TRPC4: variants seen among roughly 807,000 people sequenced by gnomAD.
TRPC4 encodes the protein short transient receptor potential channel 4.
A neutral mutation model predicts 99.4 loss-of-function variants in TRPC4; 49 were observed. The observed-to-expected ratio is 0.49, with a 90% CI of 0.39 to 0.63. The LOEUF is 0.63. Ranked by LOEUF, TRPC4 falls within the 20% of genes least tolerant of loss-of-function variation. The probability of loss-of-function intolerance (pLI) is 0.00; values close to 1 mark genes in which losing one functional copy is unlikely to be tolerated. For missense variants in TRPC4, 898 were observed against 1,152.9 expected (o/e 0.78, Z 3.20); for synonymous variants, 454 against 425.9 (o/e 1.07, Z -0.81).
At chr13:37,761,350 C>G (rs1956217641) in intron 2 of TRPC4, among the ~76,000 whole-genome samples, 2 of 151,828 alleles carry the variant, frequency 1.3e-5, no homozygotes, top group South Asian at 4.1e-4. Context: ...ATACAGAAAT[C>G]CATGCAGCCT....
chr13:37,691,037 C>T (rs1953679751), intron 4 of TRPC4, among the ~76,000 whole-genome samples: 1 of 152,084 alleles, frequency 6.6e-6, no homozygotes, highest in Non-Finnish European at 1.5e-5. Flanking sequence ...AATTAAAATG[C>T]AAATTTTAAC....
chr13:37,777,169 G>A (rs1198699960), intron 2 of TRPC4, among the ~76,000 whole-genome samples: 1 of 151,894 alleles, frequency 6.6e-6, no homozygotes, highest in Non-Finnish European at 1.5e-5. Flanking sequence ...TTGGGTTTCT[G>A]TTTCCAATTG....
chr13:37,765,710 G>T (rs1209466955), intron 2 of TRPC4, among the ~76,000 whole-genome samples: 3 of 151,366 alleles, frequency 2.0e-5, no homozygotes, highest in Non-Finnish European at 4.4e-5. Flanking sequence ...AAAGGATTCA[G>T]TTCCAATATA....
At chr13:37,821,190 C>CCACACACA (rs3086254) in intron 1 of TRPC4, among the ~76,000 whole-genome samples, 9,230 of 135,838 alleles carry the variant, frequency 0.068, 403 homozygotes, top group South Asian at 0.12. Flanking sequence ...TTCACAATAG[C>CCACACACA]CACACACACA....
At chr13:37,782,166 C>G (rs544539571) in intron 2 of TRPC4, among the ~76,000 whole-genome samples, 1 of 152,138 alleles carries the variant, frequency 6.6e-6, no homozygotes, top group East Asian at 1.9e-4. Flanking sequence ...AATTCAGACA[C>G]AAGGCAGTTA....
At chr13:37,761,988 T>C (rs73168478) in intron 2 of TRPC4, among the ~76,000 whole-genome samples, 4,392 of 151,950 alleles carry the variant, frequency 0.029, 90 homozygotes, top group East Asian at 0.061. Context: ...CAATTAAATA[T>C]TATTTGTATT....
At chr13:37,805,568 A>G (rs1433594107) in intron 1 of TRPC4, among the ~76,000 whole-genome samples, 2 of 151,728 alleles carry the variant, frequency 1.3e-5, no homozygotes, top group Middle Eastern at 6.3e-3. Context: ...TTGGACAGGG[A>G]CTCTTCTCTT....
intron 6 of TRPC4, 101 bp from the exon 7 acceptor site, chr13:37,655,384 T>TATATATA: frequency 2.6e-6 from 1 of 381,942 alleles, no homozygotes; most frequent in African/African-American, 2.2e-5. Flanking sequence ...TATATATATA[T>TATATATA]AATTAACTTA....
At chr13:37,682,232 G>A (rs1400505385) in intron 4 of TRPC4, among the ~76,000 whole-genome samples, 1 of 152,130 alleles carries the variant, frequency 6.6e-6, no homozygotes, top group Non-Finnish European at 1.5e-5. Flanking sequence ...CAAAGCTGTC[G>A]GGGGCCTGAC....
chr13:37,684,506 G>A (rs1213416190), intron 4 of TRPC4, among the ~76,000 whole-genome samples: 1 of 151,992 alleles, frequency 6.6e-6, no homozygotes, highest in African/African-American at 2.4e-5. Context: ...CAGTGTAGGA[G>A]CATTCTTTTT....
intron 5 of TRPC4, among the ~76,000 whole-genome samples, chr13:37,667,339 C>T (rs1952678723): frequency 6.6e-6 from 1 of 152,172 alleles, no homozygotes; most frequent in Non-Finnish European, 1.5e-5. Flanking sequence ...CGTAGTCTTG[C>T]TCTGTCGCCC....
intron 1 of TRPC4, among the ~76,000 whole-genome samples, chr13:37,853,835 G>C (rs1340959701): frequency 1.3e-5 from 2 of 151,830 alleles, no homozygotes; most frequent in Non-Finnish European, 1.5e-5. Flanking sequence ...TCAAGCAGAA[G>C]AATTGGTGAG....
intron 1 of TRPC4, among the ~76,000 whole-genome samples, chr13:37,794,004 T>G (rs1179817642): frequency 6.6e-6 from 1 of 152,182 alleles, no homozygotes; most frequent in African/African-American, 2.4e-5. Flanking sequence ...AAGTTCTGAA[T>G]ATTTATTTAA....
chr13:37,667,345 C>T (rs59082193), intron 5 of TRPC4, among the ~76,000 whole-genome samples: 33,176 of 152,142 alleles, frequency 0.22, 3,987 homozygotes, highest in Non-Finnish European at 0.26. Context: ...CTTGCTCTGT[C>T]GCCCAGGCTG....
chr13:37,730,859 T>C (rs1200141499), intron 3 of TRPC4, among the ~76,000 whole-genome samples: 2 of 152,014 alleles, frequency 1.3e-5, no homozygotes, highest in Admixed American at 1.3e-4. Flanking sequence ...ACCTATAAAA[T>C]GGCAGCTTCT....
Position 37,639,093 on chromosome 13 carries a change from C to T in TRPC4, c.2158G>A (p.Ala720Thr), listed in dbSNP as rs368170601. ...TCAGTTTTAGCATCTCTAATCATTGCAGCAACGTATCGCTTCACCAGGTTC... is the reference window on the plus strand; with the variant it reads ...TCAGTTTTAGCATCTCTAATCATTGTAGCAACGTATCGCTTCACCAGGTTC... ...MRNLVKRYVA[A>T]MIRDAKTEEG... The change falls in exon 10 of 11, where the codon GCA becomes ACA. Residue 720 changes from alanine to threonine, a missense_variant. By Grantham distance (58) the Ala-to-Thr change is moderately conservative. Coordinates refer to ENST00000379705, the MANE Select transcript of TRPC4 (RefSeq NM_016179.4). The T allele has an allele frequency of 5.0e-6, 8 of 1,613,678 alleles. No homozygotes were observed. The highest frequency in any genetic ancestry group is 6.8e-6 in the Non-Finnish European group (8 of 1,179,658).
At chr13:37,639,178 T>G in intron 9 of TRPC4, 49 bp from the exon 10 acceptor site, 1 of 1,613,162 alleles carries the variant, frequency 6.2e-7, no homozygotes, top group Non-Finnish European at 8.5e-7. Flanking sequence ...GTAAATAAAT[T>G]TCCTCCTGAG....
intron 1 of TRPC4, among the ~76,000 whole-genome samples, chr13:37,841,171 A>C (rs1358439554): frequency 1.3e-5 from 2 of 152,162 alleles, no homozygotes; most frequent in Admixed American, 6.5e-5. Context: ...GATTTAATCA[A>C]GATTATACAA....
chr13:37,745,474 A>ATATATATATG (rs1566138420), intron 3 of TRPC4, among the ~76,000 whole-genome samples: 1 of 2,122 alleles, frequency 4.7e-4, no homozygotes, highest in South Asian at 9.4e-3. Context: ...ATATATATAT[A>ATATATATATG]CACACACACA....
Sources: gnomAD v4.1 joint callset for allele counts (sites outside exome capture counted in the v4.1 genomes callset) on GRCh38, gnomAD v4.1.1 for gene constraint, MANE v1.5 for transcripts, NCBI Gene and HGNC (gene_info 2026-07-23, HGNC 2026-07-21) for gene names.